The following TSNAX variants were observed in gnomAD, a reference collection of about 807,000 sequenced individuals.
TSNAX encodes translin associated factor X.
In TSNAX, 12 loss-of-function variants were observed where a neutral mutation model predicts 33.0. The observed-to-expected ratio is 0.36, with a 90% confidence interval of 0.23 to 0.59. The LOEUF is 0.59. TSNAX is among the 20% of genes least tolerant of loss of function. The pLI, the probability that TSNAX is intolerant of heterozygous loss-of-function variation, is 0.74. For missense variants in TSNAX, 267 were observed against 341.3 expected (o/e 0.78, Z 1.72); for synonymous variants, 110 against 117.2 (o/e 0.94, Z 0.40).
At chr1:231,542,925 T>G (rs1374205189) in intron 4 of TSNAX, 1 of 166,566 alleles carries the variant, frequency 6.0e-6, no homozygotes, top group African/African-American at 2.4e-5. Context: ...ACGCCTGTAA[T>G]CCCAGCACTT....
At chr1:231,560,054 A>G (rs1244965840) in intron 4 of TSNAX, among the ~76,000 whole-genome samples, 1 of 150,376 alleles carries the variant, frequency 6.6e-6, no homozygotes, top group Non-Finnish European at 1.5e-5. Flanking sequence ...ATCTTGGCTC[A>G]CTGCAAGCTC....
intron 5 of TSNAX, among the ~76,000 whole-genome samples, chr1:231,564,190 TGTC>T (rs1208647138): frequency 6.6e-6 from 1 of 152,198 alleles, no homozygotes; most frequent in African/African-American, 2.4e-5. Flanking sequence ...AGAAAGTAAT[TGTC>T]GTGCAATAAA....
At chr1:231,548,771 C>G (rs925121950) in intron 4 of TSNAX, among the ~76,000 whole-genome samples, 1 of 152,182 alleles carries the variant, frequency 6.6e-6, no homozygotes, top group Non-Finnish European at 1.5e-5. Context: ...GTCTACAGAA[C>G]TCAGGATGCA....
At chr1:231,561,456 G>A (rs1029169067) in intron 5 of TSNAX, among the ~76,000 whole-genome samples, 1 of 152,162 alleles carries the variant, frequency 6.6e-6, no homozygotes, top group African/African-American at 2.4e-5. Flanking sequence ...GGCATATTGG[G>A]AAAGTAATGC....
At chr1:231,545,578 TA>T (rs1256314917) in intron 4 of TSNAX, among the ~76,000 whole-genome samples, 1 of 152,110 alleles carries the variant, frequency 6.6e-6, no homozygotes, top group East Asian at 1.9e-4. Flanking sequence ...GTTGAAAAAT[TA>T]ACAGTTTGGG....
rs142602654 is a variant in TSNAX, at chr1:231,544,602, T to C, written c.367+1991T>C. Among the ~76,000 whole-genome samples, 193 of 152,364 alleles carry C rather than the reference T, an allele frequency of 1.3e-3. 1 individual carries two copies. The highest frequency in any genetic ancestry group is 4.4e-3 in the African/African-American group (183 of 41,586). ...AAGTTCCCCAAATATCTGTGGGACA[T>C]ATGGGACATTTCAGATTTGCTGTAT... On this transcript the variant is annotated intron_variant, in intron 4 of 5. Transcript: ENST00000366639.
intron 4 of TSNAX, among the ~76,000 whole-genome samples, chr1:231,560,714 G>A (rs1025644301): frequency 2.6e-5 from 4 of 151,918 alleles, no homozygotes; most frequent in Admixed American, 6.6e-5. Flanking sequence ...CACCGTGCCC[G>A]GCCAGAATAA....
At chr1:231,544,226 ATGTC>A (rs1659759150) in intron 4 of TSNAX, among the ~76,000 whole-genome samples, 1 of 152,180 alleles carries the variant, frequency 6.6e-6, no homozygotes, top group African/African-American at 2.4e-5. Context: ...TACAGTCTAA[ATGTC>A]TGTATTAAAC....
rs997607648 is a variant in TSNAX, at chr1:231,543,177, C to CAA, written c.367+577_367+578dup. 2.2e-5 allele frequency among the ~76,000 whole-genome samples: 3 copies of CAA among 139,070 alleles called. No individual in the cohort carries two copies. In the Admixed American group the frequency reaches 2.2e-4, roughly 10 times the overall value. The allele number at this position is 139,070 out of a possible 152,430, so 91.2% of individuals were successfully genotyped here. ...TGGGCGTCAGCACAAGACTCCGTCT[C>CAA]AAAAAAAAAAAATTTTGAGGGTATA... On this transcript the variant is annotated intron_variant, in intron 4 of 5. Coordinates refer to ENST00000366639, the MANE Select transcript of TSNAX (RefSeq NM_005999.3).
intron 5 of TSNAX, among the ~76,000 whole-genome samples, chr1:231,562,987 G>A (rs1290213793): frequency 6.6e-6 from 1 of 152,176 alleles, no homozygotes; most frequent in Non-Finnish European, 1.5e-5. Flanking sequence ...CATGCTAAAT[G>A]ATGAGGACGT....
At chr1:231,563,551 G>A (rs1257884788) in intron 5 of TSNAX, 1 of 154,924 alleles carries the variant, frequency 6.5e-6, no homozygotes, top group Non-Finnish European at 1.5e-5. Flanking sequence ...GGTGGGAGGA[G>A]ATGGGTCAAG....
intron 4 of TSNAX, among the ~76,000 whole-genome samples, chr1:231,544,150 T>G (rs1269632586): frequency 1.3e-5 from 2 of 152,088 alleles, no homozygotes; most frequent in African/African-American, 2.4e-5. Flanking sequence ...GGTGGTAGTG[T>G]TGGTGGTGGT....
intron 5 of TSNAX, among the ~76,000 whole-genome samples, chr1:231,562,034 T>A (rs1380121507): frequency 6.6e-6 from 1 of 151,920 alleles, no homozygotes; most frequent in Non-Finnish European, 1.5e-5. Context: ...CAAATACTAT[T>A]TTTTTCCTTC....
At chr1:231,561,360 T>G in intron 5 of TSNAX, 105 bp downstream of exon 5, 1 of 964,244 alleles carries the variant, frequency 1.0e-6, no homozygotes, top group African/African-American at 1.7e-5. Flanking sequence ...GGGAATGTTC[T>G]TTCTAAAGTA....
intron 3 of TSNAX, among the ~76,000 whole-genome samples, chr1:231,541,274 C>T (rs1352243918): frequency 6.6e-6 from 1 of 152,012 alleles, no homozygotes; most frequent in East Asian, 1.9e-4. Flanking sequence ...GTCAACTATT[C>T]TCACTTTGTA....
intron 1 of TSNAX, among the ~76,000 whole-genome samples, 166 bp downstream of exon 1, chr1:231,528,992 T>A (rs1658462873): frequency 6.6e-6 from 1 of 152,198 alleles, no homozygotes; most frequent in Non-Finnish European, 1.5e-5. Context: ...TGTTTACACC[T>A]CCTTTTTTCT....
At chr1:231,549,511 C>G (rs1466267827) in intron 4 of TSNAX, among the ~76,000 whole-genome samples, 1 of 152,154 alleles carries the variant, frequency 6.6e-6, no homozygotes, top group Non-Finnish European at 1.5e-5. Context: ...TGCTGTTAAT[C>G]ATTTTTGAAA....
chr1:231,562,268 ACAC>A (rs1661170348), intron 5 of TSNAX, among the ~76,000 whole-genome samples: 1 of 150,684 alleles, frequency 6.6e-6, no homozygotes, highest in Non-Finnish European at 1.5e-5. Flanking sequence ...ATTTTTAAAA[ACAC>A]CATATATTAA....
At chr1:231,554,307 AT>A (rs201545112) in intron 4 of TSNAX, among the ~76,000 whole-genome samples, 1 of 151,934 alleles carries the variant, frequency 6.6e-6, no homozygotes, top group Non-Finnish European at 1.5e-5. Flanking sequence ...ATTTTAAAAT[AT>A]TTTTTTTGTT....
Sources: allele counts gnomAD v4.1 joint callset (sites outside exome capture counted in the v4.1 genomes callset), GRCh38; gene constraint gnomAD v4.1.1; transcripts MANE v1.5; gene names NCBI Gene and HGNC (gene_info 2026-07-23, HGNC 2026-07-21).